The following PRKN variants were observed in gnomAD, a reference collection of about 807,000 sequenced individuals.
PRKN encodes parkin RBR E3 ubiquitin protein ligase, also known as E3 ubiquitin-protein ligase parkin.
Under a neutral mutation model 59.5 loss-of-function variants are expected in PRKN, and 56 were observed. That is an observed-to-expected ratio of 0.94 (90% CI 0.76 to 1.18). The LOEUF (loss-of-function observed/expected upper bound fraction) is 1.18, where lower values mean the gene tolerates loss of function less well. Among genes scored for constraint, PRKN ranks in the 50% most tolerant of loss-of-function variants. The probability of loss-of-function intolerance (pLI) is 0.00; values close to 1 mark genes in which losing one functional copy is unlikely to be tolerated. For missense variants in PRKN, 657 were observed against 596.4 expected (o/e 1.10, Z -1.06); for synonymous variants, 250 against 222.1 (o/e 1.13, Z -1.12).
intron 6 of PRKN, among the ~76,000 whole-genome samples, chr6:161,934,013 G>C (rs1013094589): frequency 1.3e-5 from 2 of 152,192 alleles, no homozygotes; most frequent in African/African-American, 4.8e-5. Context: ...TTGTATCCCT[G>C]CCCAAATCTC....
intron 1 of PRKN, among the ~76,000 whole-genome samples, chr6:162,525,903 G>T (rs1251050231): frequency 1.3e-5 from 2 of 151,986 alleles, no homozygotes; most frequent in Non-Finnish European, 2.9e-5. Context: ...GCCCAGGCTG[G>T]AGTGCAATGG....
chr6:161,834,606 G>A (rs1792662383), intron 6 of PRKN, among the ~76,000 whole-genome samples: 1 of 152,212 alleles, frequency 6.6e-6, no homozygotes, highest in Admixed American at 6.5e-5. Flanking sequence ...CAAGCCGGCT[G>A]GAAGCTTCAG....
At chr6:161,776,225 T>C (rs567030818) in intron 7 of PRKN, among the ~76,000 whole-genome samples, 2 of 152,282 alleles carry the variant, frequency 1.3e-5, no homozygotes, top group East Asian at 3.9e-4. Flanking sequence ...GTTGGGTGAG[T>C]GCTACTCAGT....
intron 1 of PRKN, among the ~76,000 whole-genome samples, chr6:162,484,781 A>G (rs1161493587): frequency 6.6e-6 from 1 of 152,150 alleles, no homozygotes; most frequent in Non-Finnish European, 1.5e-5. Flanking sequence ...ATGTTTGCTC[A>G]TTTGCCTATT....
chr6:161,866,768 T>C (rs941185930), intron 6 of PRKN, among the ~76,000 whole-genome samples: 3 of 152,012 alleles, frequency 2.0e-5, no homozygotes, highest in Non-Finnish European at 2.9e-5. Context: ...CCTGGACAAT[T>C]TTTATAGTGA....
In PRKN at chr6:162,025,116, C is replaced by T. The variant is rs138835862; in HGVS notation, c.618+28975G>A. Among the ~76,000 whole-genome samples, 939 of 150,992 alleles carry T rather than the reference C, an allele frequency of 6.2e-3. 10 individuals carry two copies. The highest frequency in any genetic ancestry group is 0.021 in the African/African-American group (875 of 41,076). ...CTGCAAGCTCCACCTCCTGGGTCCA[C>T]GCCATTCTCCTGCCTCAGCCTCCCG... On this transcript the variant is annotated intron_variant, in intron 5 of 11. Transcript: ENST00000366898.
chr6:161,634,945 T>C (rs1403657088), intron 7 of PRKN, among the ~76,000 whole-genome samples: 1 of 152,210 alleles, frequency 6.6e-6, no homozygotes, highest in East Asian at 1.9e-4. Flanking sequence ...GGGCTTCGCA[T>C]AGCATCCCTG....
At chr6:161,570,238 TGA>T (rs1346887678) in intron 7 of PRKN, among the ~76,000 whole-genome samples, 1 of 145,122 alleles carries the variant, frequency 6.9e-6, no homozygotes, top group African/African-American at 2.5e-5. Context: ...TGTATAGATA[TGA>T]GTTATATATA....
chr6:161,649,101 A>C (rs1201283358), intron 7 of PRKN, among the ~76,000 whole-genome samples: 3 of 152,200 alleles, frequency 2.0e-5, no homozygotes, highest in Non-Finnish European at 4.4e-5. Flanking sequence ...TACATTTGTC[A>C]AATGTGCTGA....
chr6:162,490,898 C>T (rs1165926307), intron 1 of PRKN, among the ~76,000 whole-genome samples: 1 of 152,124 alleles, frequency 6.6e-6, no homozygotes, highest in Non-Finnish European at 1.5e-5. Flanking sequence ...CTTTGGGAAG[C>T]CAAGGAGGGT....
chr6:162,313,635 G>A (rs960593152), intron 2 of PRKN, among the ~76,000 whole-genome samples: 36 of 151,994 alleles, frequency 2.4e-4, no homozygotes, highest in African/African-American at 5.1e-4. Flanking sequence ...TTACAGGCGC[G>A]TACCATCATG....
At chr6:161,382,158 CAAACA>C (rs1229434238) in intron 10 of PRKN, among the ~76,000 whole-genome samples, 2 of 128,348 alleles carry the variant, frequency 1.6e-5, no homozygotes, top group Non-Finnish European at 3.5e-5. Flanking sequence ...AACAAACAAA[CAAACA>C]AAACAAAGCC....
chr6:162,381,689 A>T (rs1408950575), intron 2 of PRKN, among the ~76,000 whole-genome samples: 1 of 152,208 alleles, frequency 6.6e-6, no homozygotes, highest in Non-Finnish European at 1.5e-5. Flanking sequence ...TAAATGCCTC[A>T]GTTAAAAATG....
rs1229397544 is a variant in PRKN at position 161,355,569 on chromosome 6, T to A, written c.1285+4519A>T. Among the ~76,000 whole-genome samples, 1 of 150,736 alleles carries A rather than the reference T, an allele frequency of 6.6e-6. No individual in the cohort carries two copies. The highest frequency in any genetic ancestry group is 1.5e-5 in the Non-Finnish European group (1 of 67,576). On this transcript the variant is annotated intron_variant, in intron 11 of 11. Transcript: ENST00000366898. This position sits in a 1 kb window ranked among gnomAD's most constrained non-coding sequence, Gnocchi z 6.8. The stretch of plus-strand genomic sequence containing the variant: ...GGTGCCTGCCACCACACCTAGCTAT[T>A]TTTTTTTTGTATTTTTACTAGAGAC...
At chr6:162,472,239 T>A (rs1370250395) in intron 1 of PRKN, among the ~76,000 whole-genome samples, 1 of 151,888 alleles carries the variant, frequency 6.6e-6, no homozygotes, top group East Asian at 1.9e-4. Context: ...AGTTCTAGGG[T>A]ACATGGGCAC....
intron 1 of PRKN, among the ~76,000 whole-genome samples, chr6:162,715,119 A>C (rs1778674511): frequency 6.6e-6 from 1 of 152,050 alleles, no homozygotes; most frequent in African/African-American, 2.4e-5. Flanking sequence ...CTATTTGTTA[A>C]TTTTTTTCTC....
In PRKN at chr6:161,444,707, C is replaced by T. The variant is rs910667325; in HGVS notation, c.1084-57830G>A. On this transcript the variant is annotated intron_variant, in intron 9 of 11. Coordinates refer to ENST00000366898, the MANE Select transcript of PRKN (RefSeq NM_004562.3). The surrounding 1 kb of genome is among the most constrained non-coding windows in gnomAD (Gnocchi z 5.6). ...AGCGAGCTTTGCACGAGCGCTACCG[C>T]GTGGCGGTGGAAACATTTGTTCCCC... Among the ~76,000 whole-genome samples, 4 of 152,214 alleles carry T rather than the reference C, an allele frequency of 2.6e-5. No homozygotes were observed. The highest frequency in any genetic ancestry group is 7.2e-5 in the African/African-American group (3 of 41,456).
At chr6:161,985,622 T>C (rs1405917071) in intron 5 of PRKN, among the ~76,000 whole-genome samples, 1 of 152,226 alleles carries the variant, frequency 6.6e-6, no homozygotes, top group Non-Finnish European at 1.5e-5. Context: ...TATTTCTAAA[T>C]GTGCAAAACA....
chr6:162,679,084 T>TTATTTATG (rs1779669364), intron 1 of PRKN, among the ~76,000 whole-genome samples: 1 of 147,902 alleles, frequency 6.8e-6, no homozygotes, highest in Non-Finnish European at 1.5e-5. Context: ...CTTTATTTAT[T>TTATTTATG]TATTTATTTA....
Sources: gnomAD v4.1 joint callset for allele counts (sites outside exome capture counted in the v4.1 genomes callset) on GRCh38, gnomAD v4.1.1 for gene constraint, Gnocchi (gnomAD v3.1) non-coding constraint, MANE v1.5 for transcripts, NCBI Gene and HGNC (gene_info 2026-07-23, HGNC 2026-07-21) for gene names.